The following NDUFA10 variants were observed in gnomAD, a reference collection of about 807,000 sequenced individuals.
NDUFA10 encodes NADH:ubiquinone oxidoreductase subunit A10.
Under a neutral mutation model 47.8 loss-of-function variants are expected in NDUFA10, and 40 were observed. That is an observed-to-expected ratio of 0.84 (90% CI 0.65 to 1.09). The LOEUF (loss-of-function observed/expected upper bound fraction) is 1.09, where lower values mean the gene tolerates loss of function less well. Among genes scored for constraint, NDUFA10 ranks in the 50% least tolerant of loss-of-function variants. The pLI, the probability that NDUFA10 is intolerant of heterozygous loss-of-function variation, is 0.00. For synonymous variants in NDUFA10, 183 were observed against 172.2 expected, an observed-to-expected ratio of 1.06 and a Z score of -0.49; for missense variants, 413 against 451.1, an observed-to-expected ratio of 0.92 and a Z score of 0.76.
At chr2:239,947,023 G>A (rs1270148070) in intron 4 of NDUFA10, among the ~76,000 whole-genome samples, 1 of 152,158 alleles carries the variant, frequency 6.6e-6, no homozygotes, top group Non-Finnish European at 1.5e-5. Flanking sequence ...ATGGTGGTGG[G>A]TGCTGTGCCT....
Position 239,973,550 on chromosome 2 carries a change from CACGATCAGCTTCAAGGAGGGA to C in NDUFA10, c.1000-12385_1000-12365del, listed in dbSNP as rs4149567. 1.9e-3 allele frequency: 891 copies of C among 470,890 alleles called. 2 individuals carry two copies. Among genetic ancestry groups the C allele is most frequent in the East Asian group, 8.8e-3 (126 of 14,380 alleles). The allele number at this position is 470,890 out of a possible 1,614,324, so 29.2% of individuals were successfully genotyped here. On this transcript the variant is annotated intron_variant, in intron 9 of 9. Coordinates refer to ENST00000252711, the MANE Select transcript of NDUFA10 (RefSeq NM_004544.4). ...CTGTTGTCCTAGCAACTATCTTGGA[CACGATCAGCTTCAAGGAGGGA>C]ACGATCAGCTTCAAGGAGGGAACGA...
chr2:239,904,330 C>G (rs554797162), intron 4 of NDUFA10, among the ~76,000 whole-genome samples: 2 of 152,220 alleles, frequency 1.3e-5, no homozygotes, highest in East Asian at 3.9e-4. Context: ...CGTAGTCTCT[C>G]TCTGTCACCC....
At chr2:239,910,538 GAAC>G (rs1693732970) in intron 4 of NDUFA10, among the ~76,000 whole-genome samples, 1 of 152,110 alleles carries the variant, frequency 6.6e-6, no homozygotes, top group African/African-American at 2.4e-5. Flanking sequence ...CACATCGGGG[GAAC>G]AACACACACT....
chr2:239,967,979 T>TACACACACACACACACAC (rs61166045), intron 9 of NDUFA10, among the ~76,000 whole-genome samples: 85 of 147,586 alleles, frequency 5.8e-4, no homozygotes, highest in African/African-American at 9.8e-4. Flanking sequence ...GAAAAAAATA[T>TACACACACACACACACAC]ACACACACAC....
Position 239,928,447 on chromosome 2 carries a change from T to C in NDUFA10, c.295-33133A>G, listed in dbSNP as rs533949198. Among the ~76,000 whole-genome samples the C allele has an allele frequency of 6.6e-6, 1 of 152,316 alleles. No individual in the cohort carries two copies. Among genetic ancestry groups the C allele is most frequent in the African/African-American group, 2.4e-5 (1 of 41,578 alleles). On this transcript the variant is annotated intron_variant, in intron 4 of 5. Coordinates refer to the NDUFA10 transcript ENST00000419408. This position sits in a 1 kb window ranked among gnomAD's most constrained non-coding sequence, Gnocchi z 4.3. ...AAAATTACTTCTATTGTGATTATTATTCTGTGAAGTCAGTTCCTCATGGCA... is the reference window on the plus strand; with the variant it reads ...AAAATTACTTCTATTGTGATTATTACTCTGTGAAGTCAGTTCCTCATGGCA...
rs948539277 is a variant in NDUFA10 at position 239,928,946 on chromosome 2, G to C, written c.295-33632C>G. ...GCGGCCACCCGGATCCCACTCCCGA[G>C]GTCAGGAGCCCCCGACTCTTCCTCC... On this transcript the variant is annotated intron_variant, in intron 4 of 5. Transcript: ENST00000419408. The surrounding 1 kb of genome is among the most constrained non-coding windows in gnomAD (Gnocchi z 4.3). 1.3e-5 allele frequency among the ~76,000 whole-genome samples: 2 copies of C among 152,182 alleles called. No homozygotes were observed. Among genetic ancestry groups the C allele is most frequent in the African/African-American group, 4.8e-5 (2 of 41,450 alleles).
At chr2:239,917,372 A>G (rs1191059855) in intron 4 of NDUFA10, among the ~76,000 whole-genome samples, 2 of 152,048 alleles carry the variant, frequency 1.3e-5, no homozygotes, top group South Asian at 2.1e-4. Flanking sequence ...ACATAGGGAG[A>G]ATAAAAACAA....
chr2:240,010,936 G>A (rs1253537471), intron 6 of NDUFA10, among the ~76,000 whole-genome samples: 2 of 152,006 alleles, frequency 1.3e-5, no homozygotes, highest in Non-Finnish European at 2.9e-5. Flanking sequence ...AGAGGCTTAG[G>A]GTTTTAAAAA....
intron 4 of NDUFA10, among the ~76,000 whole-genome samples, chr2:239,901,131 T>A (rs944658600): frequency 1.3e-5 from 2 of 152,186 alleles, no homozygotes; most frequent in Non-Finnish European, 2.9e-5. Context: ...GCCTTCAAAC[T>A]GAAGCCAACA....
At chr2:239,988,529 C>G (rs1696098016) in intron 9 of NDUFA10, among the ~76,000 whole-genome samples, 1 of 152,146 alleles carries the variant, frequency 6.6e-6, no homozygotes, top group Non-Finnish European at 1.5e-5. Context: ...TTCTGCCTTA[C>G]TGGAGAAGGA....
chr2:240,000,932 C>T lies in NDUFA10; in HGVS notation c.890+4278G>A, dbSNP rs114656950. Among the ~76,000 whole-genome samples the T allele has an allele frequency of 3.9e-3, 599 of 152,344 alleles. 9 individuals are homozygous for T. The highest frequency in any genetic ancestry group is 0.012 in the African/African-American group (484 of 41,586). ...TTTTCACGATGATGAAATCGCCTAA[C>T]GACACCTTTCTTAGAACATATCCCT... On this transcript the variant is annotated intron_variant, in intron 8 of 9. Coordinates refer to ENST00000252711, the MANE Select transcript of NDUFA10 (RefSeq NM_004544.4).
chr2:239,956,617 G>A (rs1456618744), downstream of NDUFA10, among the ~76,000 whole-genome samples: 2 of 152,202 alleles, frequency 1.3e-5, no homozygotes, highest in African/African-American at 4.8e-5. Context: ...TGTCCCAGGA[G>A]AGGGCAGACC....
intron 6 of NDUFA10, among the ~76,000 whole-genome samples, chr2:240,010,264 A>T (rs1419313910): frequency 2.6e-5 from 4 of 152,204 alleles, no homozygotes; most frequent in Admixed American, 2.0e-4. Flanking sequence ...TGTTCCTAAA[A>T]CAGGAGTTAA....
At chr2:240,021,065 T>G in intron 3 of NDUFA10, 132 bp downstream of exon 3, 1 of 748,342 alleles carries the variant, frequency 1.3e-6, no homozygotes, top group East Asian at 2.7e-5. Flanking sequence ...ATTCATGATC[T>G]TGTTGGAAAG....
downstream of NDUFA10, among the ~76,000 whole-genome samples, chr2:239,952,556 T>G (rs976564418): frequency 2.0e-5 from 3 of 151,500 alleles, no homozygotes; most frequent in African/African-American, 7.3e-5. Flanking sequence ...CCTGTAGGGG[T>G]TTTTCTGGGT....
chr2:239,916,824 C>CT (rs2106365647), intron 4 of NDUFA10, among the ~76,000 whole-genome samples: 1 of 152,372 alleles, frequency 6.6e-6, no homozygotes, highest in South Asian at 2.1e-4. Flanking sequence ...CCCTCACGGC[C>CT]TCACCAGCTC....
At chr2:239,937,082 G>A (rs1276614376) in intron 4 of NDUFA10, among the ~76,000 whole-genome samples, 2 of 152,220 alleles carry the variant, frequency 1.3e-5, no homozygotes, top group African/African-American at 4.8e-5. Flanking sequence ...GAGCAGAGGG[G>A]AGGGCTGGGG....
rs77614498 is a variant in NDUFA10, at chr2:239,958,916, G to A, written c.*2202C>T. Reference sequence around the variant, plus strand: ...CAACATGGAATCCTGGAAAATGCACGATTATTTTGATCCTGGTTTGTTGGT... The same window carrying A: ...CAACATGGAATCCTGGAAAATGCACAATTATTTTGATCCTGGTTTGTTGGT... On this transcript the variant is annotated 3_prime_UTR_variant, in exon 10 of 10. Transcript: ENST00000252711. 1.5e-3 allele frequency: 1,477 copies of A among 984,174 alleles called. 35 individuals are homozygous for A. The East Asian group carries it at 0.041, about 27-fold the overall frequency. 61.0% of individuals were successfully genotyped at this position (984,174 alleles called of 1,614,324 possible). A position where few individuals can be genotyped will look rare whatever the true frequency, so the allele number is the denominator to read the frequency against.
chr2:239,967,183 A>G (rs1451024683), intron 9 of NDUFA10, among the ~76,000 whole-genome samples: 1 of 152,236 alleles, frequency 6.6e-6, no homozygotes, highest in East Asian at 1.9e-4. Flanking sequence ...GGTTGAATTT[A>G]ATAACGCCAA....
Sources: gnomAD v4.1 joint callset for allele counts (sites outside exome capture counted in the v4.1 genomes callset) on GRCh38, gnomAD v4.1.1 for gene constraint, Gnocchi (gnomAD v3.1) non-coding constraint, MANE v1.5 for transcripts, NCBI Gene and HGNC (gene_info 2026-07-23, HGNC 2026-07-21) for gene names.